Variants in ADCY1 observed in about 807,000 individuals in gnomAD.
The protein encoded by ADCY1 is adenylate cyclase type 1.
A neutral mutation model predicts 105.4 loss-of-function variants in ADCY1; 28 were observed. The ratio of observed to expected loss-of-function variants is 0.27; its 90% CI spans 0.20 to 0.36. The LOEUF is 0.36. Among genes scored for constraint, ADCY1 ranks in the 10% least tolerant of loss-of-function variants. The probability of loss-of-function intolerance (pLI) is 1.00; values close to 1 mark genes in which losing one functional copy is unlikely to be tolerated. For missense variants in ADCY1, 977 were observed against 1,434.2 expected (o/e 0.68, Z 5.15); for synonymous variants, 655 against 623.8 (o/e 1.05, Z -0.75).
At chr7:45,669,677 A>G (rs1210417304) in intron 8 of ADCY1, among the ~76,000 whole-genome samples, 1 of 152,174 alleles carries the variant, frequency 6.6e-6, no homozygotes, top group Admixed American at 6.5e-5. Context: ...CTCCTACCCC[A>G]TCTCCTGGGC....
At chr7:45,628,449 A>G (rs1794127841) in intron 4 of ADCY1, among the ~76,000 whole-genome samples, 1 of 152,272 alleles carries the variant, frequency 6.6e-6, no homozygotes, top group Middle Eastern at 3.4e-3. Flanking sequence ...CAGCAGGGAA[A>G]GTGTTTCCCT....
intron 4 of ADCY1, among the ~76,000 whole-genome samples, chr7:45,629,771 G>A (rs1004417922): frequency 7.2e-5 from 11 of 151,736 alleles, no homozygotes; most frequent in Admixed American, 5.2e-4. Context: ...CACCCGCCTC[G>A]GCCTCCCAAA....
At chr7:45,625,382 G>A (rs966923252) in intron 4 of ADCY1, among the ~76,000 whole-genome samples, 36 of 152,334 alleles carry the variant, frequency 2.4e-4, no homozygotes, top group African/African-American at 7.2e-4. Flanking sequence ...GGTGACGTAC[G>A]TGGTGGAGAT....
intron 9 of ADCY1, 47 bp downstream of exon 9, chr7:45,678,110 G>C (rs752195110): frequency 1.2e-6 from 2 of 1,613,440 alleles, no homozygotes; most frequent in African/African-American, 2.7e-5. Flanking sequence ...TTGCGAAGGC[G>C]CTGCCTGGCT....
rs77029331 is a variant in ADCY1, at chr7:45,659,893, G to A, written c.1308-149G>A. The A allele has an allele frequency of 7.5e-3, 7,310 of 971,196 alleles. 311 individuals carry two copies. The East Asian group carries it at 0.11, about 15-fold the overall frequency. 60.2% of individuals were successfully genotyped at this position (971,196 alleles called of 1,614,324 possible). ...CTGGGCCCTCCCTCCTGGCATGGACGGACTTGCATGGGAGCATGAATACTC... is the reference window on the plus strand; with the variant it reads ...CTGGGCCCTCCCTCCTGGCATGGACAGACTTGCATGGGAGCATGAATACTC... On this transcript the variant is annotated intron_variant, in intron 6 of 19. Transcript: ENST00000297323.
At chr7:45,682,170 T>G (rs951544293) in intron 11 of ADCY1, among the ~76,000 whole-genome samples, 17 of 152,168 alleles carry the variant, frequency 1.1e-4, no homozygotes, top group African/African-American at 3.9e-4. Context: ...CACGCTCAGT[T>G]GGAGTGTTCT....
chr7:45,642,888 TC>T (rs1288997264), intron 4 of ADCY1, among the ~76,000 whole-genome samples: 1 of 152,182 alleles, frequency 6.6e-6, no homozygotes, highest in Non-Finnish European at 1.5e-5. Context: ...CATGATTTTT[TC>T]TAAAAAAGAA....
intron 5 of ADCY1, among the ~76,000 whole-genome samples, chr7:45,649,362 T>A (rs1794752105): frequency 6.6e-6 from 1 of 152,200 alleles, no homozygotes; most frequent in African/African-American, 2.4e-5. Flanking sequence ...AAGACACAGA[T>A]GTTTTTGTCA....
rs1442002296 is a variant in ADCY1, at chr7:45,686,522, G to A, written c.2328-25G>A. The A allele has an allele frequency of 6.3e-7, 1 of 1,599,428 alleles. No individual in the cohort carries two copies. The highest frequency in any genetic ancestry group is 1.7e-5 in the Admixed American group (1 of 59,232). ...GCCCTGGAAGCTCGGCACTGACTTGGCTTTTCTTCCTCATCTTCCCCCAGG... is the reference window on the plus strand; with the variant it reads ...GCCCTGGAAGCTCGGCACTGACTTGACTTTTCTTCCTCATCTTCCCCCAGG... On this transcript the variant is annotated intron_variant, in intron 13 of 19. Transcript: ENST00000297323. The surrounding 1 kb of genome is among the most constrained non-coding windows in gnomAD (Gnocchi z 4.3).
Position 45,597,566 on chromosome 7 carries a change from A to G in ADCY1, c.789+4658A>G, listed in dbSNP as rs118005006. ...CCATGAAGAGGGTGACAACAGATAC[A>G]GACACTAGGAGCTTTCTCCTTCCCC... On this transcript the variant is annotated intron_variant, in intron 2 of 19. Coordinates refer to ENST00000297323, the MANE Select transcript of ADCY1 (RefSeq NM_021116.4). 8.2e-3 allele frequency among the ~76,000 whole-genome samples: 1,250 copies of G among 152,338 alleles called. 4 individuals carry two copies. The highest frequency in any genetic ancestry group is 0.013 in the Non-Finnish European group (862 of 68,040).
chr7:45,616,503 T>C (rs138841222), intron 3 of ADCY1, among the ~76,000 whole-genome samples: 2,938 of 152,330 alleles, frequency 0.019, 83 homozygotes, highest in South Asian at 0.13. Flanking sequence ...AATGCAAGGA[T>C]AGTTCAACAT....
chr7:45,574,155 G>A (rs947166970), upstream of ADCY1: 5 of 984,966 alleles, frequency 5.1e-6, no homozygotes, highest in African/African-American at 8.7e-5. The surrounding 1 kb of genome is among the most constrained non-coding windows in gnomAD (Gnocchi z 7.0). Flanking sequence ...ACTGTGCACG[G>A]TGGGGAAACT....
chr7:45,702,235 A>G (rs528112063), intron 14 of ADCY1, among the ~76,000 whole-genome samples: 18 of 152,342 alleles, frequency 1.2e-4, no homozygotes, highest in Middle Eastern at 3.4e-3. Flanking sequence ...CTTTAGGCTT[A>G]ACTAAGGGGC....
intron 8 of ADCY1, among the ~76,000 whole-genome samples, chr7:45,672,673 G>C (rs933093143): frequency 3.3e-5 from 5 of 151,826 alleles, no homozygotes; most frequent in African/African-American, 1.2e-4. Flanking sequence ...TCACCTTGTG[G>C]AACTCACTAA....
At chr7:45,616,790 A>G (rs1793750198) in intron 3 of ADCY1, among the ~76,000 whole-genome samples, 1 of 152,242 alleles carries the variant, frequency 6.6e-6, no homozygotes, top group Non-Finnish European at 1.5e-5. Context: ...CTTCTGTTCA[A>G]CATAGTACTG....
At chr7:45,581,261 T>C (rs935929324) in intron 1 of ADCY1, among the ~76,000 whole-genome samples, 4 of 152,230 alleles carry the variant, frequency 2.6e-5, no homozygotes, top group Non-Finnish European at 5.9e-5. Flanking sequence ...CACACTGTTC[T>C]GGGCTCAGTG....
At chr7:45,625,263 A>G (rs542845878) in intron 4 of ADCY1, among the ~76,000 whole-genome samples, 1 of 152,134 alleles carries the variant, frequency 6.6e-6, no homozygotes, top group African/African-American at 2.4e-5. Flanking sequence ...CCATGTTCCA[A>G]GTGGCTCCTT....
rs1316389484 is a variant in ADCY1, at chr7:45,591,364, G to A, written c.640-1395G>A. The stretch of plus-strand genomic sequence containing the variant: ...TGACACCCATCTGTCCCGTCTCATG[G>A]GTCTACCTCCTGGACTCGCTTGGTC... On this transcript the variant is annotated intron_variant, in intron 1 of 19. Coordinates refer to ENST00000297323, the MANE Select transcript of ADCY1 (RefSeq NM_021116.4). This position sits in a 1 kb window ranked among gnomAD's most constrained non-coding sequence, Gnocchi z 4.1. 2.0e-5 allele frequency among the ~76,000 whole-genome samples: 3 copies of A among 152,184 alleles called. No homozygotes were observed. The South Asian group carries it at 6.2e-4, about 32-fold the overall frequency.
At position 45,703,388 on chromosome 7, in the gene ADCY1, C is replaced by T. The variant is rs61738404; in HGVS notation, c.2467C>T (p.Arg823Ter). ...YLWAAQAEEE[R>*]EDMEKVKLDN... ...CATGATACCCCAGGCAGAGGAGGAG[C>T]GAGAGGACATGGAGAAGGTGAAGCT... is the stretch of plus-strand genomic sequence containing the variant. Residue 823 changes from arginine (R) to a stop codon, truncating the protein, a stop_gained, in exon 15 of 20, where the codon CGA becomes TGA. Coordinates refer to ENST00000297323, the MANE Select transcript of ADCY1 (RefSeq NM_021116.4). LOFTEE classifies it high-confidence loss of function. This position sits in a 1 kb window ranked among gnomAD's most constrained non-coding sequence, Gnocchi z 5.9. 2.5e-6 allele frequency: 4 copies of T among 1,613,902 alleles called. No homozygotes were observed. The highest frequency in any genetic ancestry group is 2.5e-6 in the Non-Finnish European group (3 of 1,179,926).
Sources: allele counts gnomAD v4.1 joint callset (sites outside exome capture counted in the v4.1 genomes callset), GRCh38; gene constraint gnomAD v4.1.1; non-coding constraint Gnocchi (gnomAD v3.1); transcripts MANE v1.5; gene names NCBI Gene and HGNC (gene_info 2026-07-23, HGNC 2026-07-21).